The following DGKB variants were observed in gnomAD, a reference collection of about 807,000 sequenced individuals.
DGKB encodes the protein 90 kDa diacylglycerol kinase.
A neutral mutation model predicts 114.3 loss-of-function variants in DGKB; 67 were observed. That is an observed-to-expected ratio of 0.59 (90% CI 0.48 to 0.72). DGKB has a LOEUF of 0.72. Ranked by LOEUF, DGKB falls within the 30% of genes least tolerant of loss-of-function variation. DGKB has a pLI of 0.00. For synonymous variants in DGKB, 398 were observed against 323.1 expected (o/e 1.23, Z -2.49); for missense variants, 907 against 975.2 (o/e 0.93, Z 0.93).
At chr7:14,155,210 C>A (rs992646229) in intron 25 of DGKB, among the ~76,000 whole-genome samples, 1 of 152,010 alleles carries the variant, frequency 6.6e-6, no homozygotes, top group Non-Finnish European at 1.5e-5. Flanking sequence ...TTTTTCTAGG[C>A]CCCCAAAACA....
intron 23 of DGKB, among the ~76,000 whole-genome samples, chr7:14,308,634 C>G (rs1804866021): frequency 6.6e-6 from 1 of 152,052 alleles, no homozygotes; most frequent in Admixed American, 6.6e-5. Context: ...AAGTTATCAG[C>G]TAAACCTAAA....
intron 17 of DGKB, among the ~76,000 whole-genome samples, chr7:14,601,328 C>A (rs2128764925): frequency 6.6e-6 from 1 of 152,222 alleles, no homozygotes; most frequent in East Asian, 1.9e-4. Flanking sequence ...CCTCAAGGCC[C>A]TGACACTGTG....
At chr7:14,937,025 TACACACACAC>T (rs56176139) in intron 1 of DGKB, among the ~76,000 whole-genome samples, 8,853 of 132,286 alleles carry the variant, frequency 0.067, 319 homozygotes, top group Middle Eastern at 0.1. Context: ...GTCCATTCAC[TACACACACAC>T]ACACACACAC....
chr7:14,682,881 G>C (rs760352782), intron 10 of DGKB, 40 bp from the exon 11 acceptor site: 48 of 1,385,882 alleles, frequency 3.5e-5, no homozygotes, highest in Non-Finnish European at 4.6e-5. Context: ...GCTAATCCTG[G>C]TCCTGGTTGT....
intron 1 of DGKB, among the ~76,000 whole-genome samples, chr7:14,972,396 C>A (rs1207084501): frequency 6.6e-6 from 1 of 152,026 alleles, no homozygotes; most frequent in Admixed American, 6.6e-5. Flanking sequence ...TTATAAGCAA[C>A]AATTTTTATT....
intron 1 of DGKB, among the ~76,000 whole-genome samples, chr7:14,941,645 G>C (rs1445935883): frequency 2.1e-4 from 32 of 151,926 alleles, no homozygotes; most frequent in Non-Finnish European, 5.9e-5. Context: ...TTGGTGAATG[G>C]TACTAAATGT....
intron 2 of DGKB, among the ~76,000 whole-genome samples, chr7:14,820,527 G>C (rs534104851): frequency 1.0e-3 from 158 of 152,158 alleles, no homozygotes; most frequent in Non-Finnish European, 1.8e-3. Flanking sequence ...AATATAATCA[G>C]GAAATTGTGT....
chr7:14,152,642 C>G (rs2128214177), intron 25 of DGKB, among the ~76,000 whole-genome samples: 1 of 152,134 alleles, frequency 6.6e-6, no homozygotes, highest in Non-Finnish European at 1.5e-5. Context: ...ACTTCAAAAA[C>G]TATAAATACG....
intron 23 of DGKB, among the ~76,000 whole-genome samples, chr7:14,183,076 TG>T (rs1782873552): frequency 6.6e-6 from 1 of 152,208 alleles, no homozygotes; most frequent in African/African-American, 2.4e-5. Context: ...AGCCATTATT[TG>T]GCCATAGTAA....
rs1353585975 is a variant in DGKB, at chr7:14,146,869, G to C, written c.*2262C>G. On this transcript the variant is annotated 3_prime_UTR_variant, in exon 26 of 26. Transcript: ENST00000402815. The stretch of plus-strand genomic sequence containing the variant: ...TTCAATCATTGAAATCTTATAAGCA[G>C]GTTGTTTAATTTGTCTCATCCCACT... 1 of 152,016 alleles carries C rather than the reference G, an allele frequency of 6.6e-6. No individual in the cohort carries two copies. Among genetic ancestry groups the C allele is most frequent in the Non-Finnish European group, 1.5e-5 (1 of 67,962 alleles). The allele number at this position is 152,016 out of a possible 1,614,324, so 9.4% of individuals were successfully genotyped here. A position where few individuals can be genotyped will look rare whatever the true frequency, so the allele number is the denominator to read the frequency against.
chr7:14,227,150 G>A (rs1352388034), intron 23 of DGKB, among the ~76,000 whole-genome samples: 3 of 152,032 alleles, frequency 2.0e-5, no homozygotes, highest in Admixed American at 1.3e-4. Context: ...TTAGAATACA[G>A]GTGGTCCAAG....
chr7:14,344,738 A>C (rs1052287657), intron 22 of DGKB, among the ~76,000 whole-genome samples: 2 of 151,338 alleles, frequency 1.3e-5, no homozygotes, highest in Non-Finnish European at 3.0e-5. Flanking sequence ...ATTTGCTCCA[A>C]GTCTTTTTAA....
At chr7:14,293,506 T>C (rs17168057) in intron 23 of DGKB, among the ~76,000 whole-genome samples, 13,632 of 152,126 alleles carry the variant, frequency 0.09, 691 homozygotes, top group East Asian at 0.16. Flanking sequence ...AAAACCACAA[T>C]GTAAAATGTA....
intron 12 of DGKB, among the ~76,000 whole-genome samples, chr7:14,676,567 C>T (rs1200655155): frequency 1.3e-5 from 2 of 151,800 alleles, no homozygotes; most frequent in African/African-American, 2.4e-5. Context: ...TAAGTACCCA[C>T]AAAATTAAAA....
intron 1 of DGKB, among the ~76,000 whole-genome samples, chr7:14,962,580 A>T (rs149846139): frequency 1.1e-3 from 164 of 152,032 alleles, no homozygotes; most frequent in Middle Eastern, 0.01. Context: ...TTCACATAAC[A>T]GATTAATATT....
At chr7:14,179,708 T>G (rs934551066) in intron 23 of DGKB, among the ~76,000 whole-genome samples, 1 of 152,178 alleles carries the variant, frequency 6.6e-6, no homozygotes, top group African/African-American at 2.4e-5. Context: ...ATAAAAGCAC[T>G]TTAAAAAGAA....
intron 23 of DGKB, among the ~76,000 whole-genome samples, chr7:14,218,949 AGCAACTAAT>A (rs1192425894): frequency 3.2e-4 from 49 of 151,866 alleles, no homozygotes; most frequent in Non-Finnish European, 4.9e-4. Flanking sequence ...CTATTCTCCC[AGCAACTAAT>A]GATCTACTTT....
At chr7:14,235,957 T>C (rs7458793) in intron 23 of DGKB, among the ~76,000 whole-genome samples, 65,651 of 151,888 alleles carry the variant, frequency 0.43, 14,599 homozygotes, top group African/African-American at 0.53. Flanking sequence ...AACACACACA[T>C]GGATGCACAA....
At chr7:14,671,887 A>G (rs919450981) in intron 13 of DGKB, among the ~76,000 whole-genome samples, 1 of 152,112 alleles carries the variant, frequency 6.6e-6, no homozygotes, top group Non-Finnish European at 1.5e-5. Flanking sequence ...TATGGCTCTC[A>G]TTTTATTTAA....
Sources: allele counts gnomAD v4.1 joint callset (sites outside exome capture counted in the v4.1 genomes callset), GRCh38; gene constraint gnomAD v4.1.1; transcripts MANE v1.5; gene names NCBI Gene and HGNC (gene_info 2026-07-23, HGNC 2026-07-21).